Variants in MELK observed in about 807,000 individuals in gnomAD.
MELK encodes the protein pEg3 kinase.
Under a neutral mutation model 85.0 loss-of-function variants are expected in MELK, and 81 were observed. The observed-to-expected ratio is 0.95, with a 90% CI of 0.80 to 1.15. The LOEUF (loss-of-function observed/expected upper bound fraction) is 1.15, where lower values mean the gene tolerates loss of function less well. MELK is among the 50% of genes most tolerant of loss of function. MELK has a pLI of 0.00. For missense variants in MELK, 754 were observed against 777.5 expected, an observed-to-expected ratio of 0.97 and a Z score of 0.36; for synonymous variants, 252 against 265.0, an observed-to-expected ratio of 0.95 and a Z score of 0.48.
chr9:36,624,061 A>G (rs759743808), intron 8 of MELK, among the ~76,000 whole-genome samples: 2 of 151,402 alleles, frequency 1.3e-5, no homozygotes, highest in Non-Finnish European at 2.9e-5. Flanking sequence ...ATTTCTATGC[A>G]GTAGGTATCG....
At chr9:36,635,102 G>A (rs1828998313) in intron 10 of MELK, among the ~76,000 whole-genome samples, 2 of 151,970 alleles carry the variant, frequency 1.3e-5, no homozygotes, top group South Asian at 4.1e-4. Flanking sequence ...ACTCAGAAAT[G>A]TAATAAAATT....
chr9:36,656,107 A>G lies in MELK; in HGVS notation c.1054-1134A>G, dbSNP rs915375899. 4.6e-5 allele frequency among the ~76,000 whole-genome samples: 7 copies of G among 152,302 alleles called. 2 individuals are homozygous for G. The Middle Eastern group carries it at 0.014, about 296-fold the overall frequency. On this transcript the variant is annotated intron_variant, in intron 12 of 17. Transcript: ENST00000298048. ...CTTAGTTTATAGAGGAGGAAGAATG[A>G]AAGAACAGAAGTTATTTTGGTGGCG...
chr9:36,628,937 G>T (rs1828222775), intron 8 of MELK, among the ~76,000 whole-genome samples: 1 of 149,880 alleles, frequency 6.7e-6, no homozygotes, highest in African/African-American at 2.5e-5. Flanking sequence ...CACGATCTGG[G>T]CTCACCGCAA....
chr9:36,675,320 C>G (rs1481727016), intron 17 of MELK, among the ~76,000 whole-genome samples: 1 of 152,156 alleles, frequency 6.6e-6, no homozygotes, highest in East Asian at 1.9e-4. Context: ...CTCCTCACCC[C>G]TGTGCTTTAG....
chr9:36,639,269 C>T (rs899262648), intron 10 of MELK, among the ~76,000 whole-genome samples: 3 of 152,158 alleles, frequency 2.0e-5, no homozygotes, highest in African/African-American at 7.2e-5. Context: ...AGAGCTGTTA[C>T]AGGATCAAAT....
chr9:36,605,732 G>A (rs951164066), intron 7 of MELK, among the ~76,000 whole-genome samples: 1 of 151,006 alleles, frequency 6.6e-6, no homozygotes, highest in Non-Finnish European at 1.5e-5. Context: ...GGTTAGATTT[G>A]GCTTATCTAG....
chr9:36,653,915 G>A (rs1281438448), intron 12 of MELK, among the ~76,000 whole-genome samples: 4 of 152,038 alleles, frequency 2.6e-5, no homozygotes, highest in Admixed American at 2.0e-4. Context: ...TGTGCTACAG[G>A]TATAGTGGGT....
At chr9:36,621,463 T>G (rs1827442425) in intron 8 of MELK, among the ~76,000 whole-genome samples, 1 of 152,056 alleles carries the variant, frequency 6.6e-6, no homozygotes, top group Non-Finnish European at 1.5e-5. Context: ...ACCCAGCTAA[T>G]TTTCGTTATT....
chr9:36,580,658 C>T (rs1365587787), intron 1 of MELK, among the ~76,000 whole-genome samples: 4 of 151,236 alleles, frequency 2.6e-5, no homozygotes, highest in African/African-American at 9.7e-5. Context: ...TTCAGGTAGC[C>T]TCCCGAGCCA....
intron 7 of MELK, among the ~76,000 whole-genome samples, chr9:36,605,831 C>A (rs761195070): frequency 1.3e-5 from 2 of 150,818 alleles, no homozygotes; most frequent in Non-Finnish European, 2.9e-5. Context: ...CCTTCCTTTC[C>A]TTCTTTCCTC....
chr9:36,661,936 CAAAAA>C (rs1174052114), intron 13 of MELK, among the ~76,000 whole-genome samples: 4 of 72,874 alleles, frequency 5.5e-5, no homozygotes, highest in East Asian at 3.7e-4. Flanking sequence ...GACTCCGTCT[CAAAAA>C]AAAAAAAAAA....
intron 10 of MELK, among the ~76,000 whole-genome samples, chr9:36,641,322 ATC>A (rs972683188): frequency 6.6e-6 from 1 of 152,160 alleles, no homozygotes; most frequent in African/African-American, 2.4e-5. Context: ...GGCACATACC[ATC>A]TCTCTCTAGC....
At chr9:36,676,146 T>G (rs866391550) in intron 17 of MELK, among the ~76,000 whole-genome samples, 1 of 152,206 alleles carries the variant, frequency 6.6e-6, no homozygotes, top group South Asian at 2.1e-4. Flanking sequence ...GGTGCTCCTT[T>G]TGGCATTTTT....
rs116406112 is a variant in MELK, at chr9:36,676,418, T to G, written c.1779-742T>G. Among the ~76,000 whole-genome samples, 245 of 152,346 alleles carry G rather than the reference T, an allele frequency of 1.6e-3. 1 individual carries two copies. Among genetic ancestry groups the G allele is most frequent in the African/African-American group, 5.4e-3 (226 of 41,576 alleles). ...ACTCTAAAATAGAATGTAAACTAAT[T>G]AAATATTATTACATGAATTAAATTT... On this transcript the variant is annotated intron_variant, in intron 17 of 17. Coordinates refer to ENST00000298048, the MANE Select transcript of MELK (RefSeq NM_014791.4).
At chr9:36,659,809 ATT>A (rs1269055752) in intron 13 of MELK, among the ~76,000 whole-genome samples, 10 of 151,778 alleles carry the variant, frequency 6.6e-5, no homozygotes, top group African/African-American at 2.4e-4. Context: ...TTTTATTTTT[ATT>A]TTTTTGAGAT....
chr9:36,655,704 C>T (rs1046814570), intron 12 of MELK, among the ~76,000 whole-genome samples: 2 of 152,114 alleles, frequency 1.3e-5, no homozygotes, highest in Admixed American at 6.5e-5. Flanking sequence ...CCATGACAGC[C>T]GTCATTCGTA....
intron 3 of MELK, among the ~76,000 whole-genome samples, chr9:36,585,717 G>A (rs1019857931): frequency 1.3e-5 from 2 of 152,136 alleles, no homozygotes; most frequent in African/African-American, 4.8e-5. Flanking sequence ...CCAGAGGATT[G>A]CTTGAGGCCA....
chr9:36,666,234 A>G (rs183674954), intron 14 of MELK, among the ~76,000 whole-genome samples: 1 of 152,348 alleles, frequency 6.6e-6, no homozygotes, highest in African/African-American at 2.4e-5. Flanking sequence ...TCATCTGGAC[A>G]CATTCTATTT....
intron 13 of MELK, among the ~76,000 whole-genome samples, chr9:36,662,479 G>A (rs148758264): frequency 0.026 from 3,928 of 152,000 alleles, 70 homozygotes; most frequent in Non-Finnish European, 0.039. Flanking sequence ...CCTGACCTCA[G>A]GTGATCCACC....
Sources: allele counts gnomAD v4.1 joint callset (sites outside exome capture counted in the v4.1 genomes callset), GRCh38; gene constraint gnomAD v4.1.1; transcripts MANE v1.5; gene names NCBI Gene and HGNC (gene_info 2026-07-23, HGNC 2026-07-21).